The following WDR45B variants were observed in gnomAD, a reference collection of about 807,000 sequenced individuals.
WDR45B encodes the protein WD repeat domain phosphoinositide-interacting protein 3.
Under a neutral mutation model 44.6 loss-of-function variants are expected in WDR45B, and 20 were observed. That is an observed-to-expected ratio of 0.45 (90% CI 0.32 to 0.65). The LOEUF is 0.65. Ranked by LOEUF, WDR45B falls within the 30% of genes least tolerant of loss-of-function variation. WDR45B has a pLI of 0.05. For synonymous variants in WDR45B, 169 were observed against 164.9 expected (o/e 1.02, Z -0.19); for missense variants, 323 against 430.2 (o/e 0.75, Z 2.20).
intron 2 of WDR45B, among the ~76,000 whole-genome samples, chr17:82,643,325 C>T (rs1436813788): frequency 6.6e-6 from 1 of 151,856 alleles, no homozygotes; most frequent in Non-Finnish European, 1.5e-5. Context: ...CCCAGCTACT[C>T]GGGAGGCCGA....
At position 82,638,612 on chromosome 17, in the gene WDR45B, A is replaced by C. The variant is rs540447751; in HGVS notation, c.142+5337T>G. On this transcript the variant is annotated intron_variant, in intron 2 of 9. Transcript: ENST00000392325. The stretch of plus-strand genomic sequence containing the variant: ...AGATGCTTGAAAAATGAATCACTTT[A>C]TACAAATGAGTGAAAATCAACCATT... Among the ~76,000 whole-genome samples, 8 of 152,100 alleles carry C rather than the reference A, an allele frequency of 5.3e-5. No homozygotes were observed. The East Asian group carries it at 1.5e-3, about 29-fold the overall frequency.
At position 82,614,618 on chromosome 17, in the gene WDR45B, A is replaced by G. The variant is rs1334540765; in HGVS notation, c.*1301T>C. 1.3e-5 allele frequency: 2 copies of G among 152,704 alleles called. No homozygotes were observed. The highest frequency in any genetic ancestry group is 1.3e-4 in the Admixed American group (2 of 15,288). The allele number at this position is 152,704 out of a possible 1,614,324, so 9.5% of individuals were successfully genotyped here. A position where few individuals can be genotyped will look rare whatever the true frequency, so the allele number is the denominator to read the frequency against. On this transcript the variant is annotated 3_prime_UTR_variant, in exon 10 of 10. Coordinates refer to ENST00000392325, the MANE Select transcript of WDR45B (RefSeq NM_019613.4). ...CTTTTATTTAAAAGAAACATTACAA[A>G]TAAGTGTGCAAAATTAAACATCATG... is the stretch of plus-strand genomic sequence containing the variant.
chr17:82,639,580 C>T (rs935566760), intron 2 of WDR45B, among the ~76,000 whole-genome samples: 2 of 151,042 alleles, frequency 1.3e-5, no homozygotes, highest in Admixed American at 6.6e-5. Flanking sequence ...CTAGCACCTT[C>T]ACCTGGCACG....
chr17:82,630,433 A>C (rs924029162), intron 3 of WDR45B, among the ~76,000 whole-genome samples: 1 of 152,048 alleles, frequency 6.6e-6, no homozygotes, highest in African/African-American at 2.4e-5. Context: ...CAGGAAAGCT[A>C]TCTACTCCTC....
chr17:82,640,141 G>A (rs2045894801), intron 2 of WDR45B, among the ~76,000 whole-genome samples: 1 of 152,164 alleles, frequency 6.6e-6, no homozygotes, highest in Non-Finnish European at 1.5e-5. Context: ...TTCCTGCCAA[G>A]TGGCAGAAGG....
intron 2 of WDR45B, among the ~76,000 whole-genome samples, chr17:82,640,677 C>T (rs2045902659): frequency 6.6e-6 from 1 of 152,136 alleles, no homozygotes. Flanking sequence ...CGCAGAGCAG[C>T]AGATGAGTCT....
At position 82,625,471 on chromosome 17, in the gene WDR45B, AACC is replaced by A. The variant is rs1331631472; in HGVS notation, c.342_344del (p.Val115del). On this transcript the variant is annotated inframe_deletion, in exon 5 of 10. Transcript: ENST00000392325. ...TGAACACCTTAATCATGGAGTCCAA[AACC>A]ACCACAATTCTGGAAAGAAAAACAT... The A allele has an allele frequency of 6.2e-7, 1 of 1,614,214 alleles. No individual in the cohort carries two copies. The highest frequency in any genetic ancestry group is 2.2e-5 in the East Asian group (1 of 44,890).
chr17:82,637,588 T>G (rs1009933629), intron 2 of WDR45B, among the ~76,000 whole-genome samples: 2 of 152,062 alleles, frequency 1.3e-5, no homozygotes, highest in Non-Finnish European at 2.9e-5. Flanking sequence ...AACTTCTGAC[T>G]GACCAGCTTC....
intron 1 of WDR45B, chr17:82,644,682 G>T (rs1299779856): frequency 1.3e-5 from 2 of 155,236 alleles, no homozygotes; most frequent in Non-Finnish European, 2.9e-5. Flanking sequence ...GTTAATGCTC[G>T]TGTGTGACCC....
intron 1 of WDR45B, among the ~76,000 whole-genome samples, chr17:82,647,951 G>A (rs1267721269): frequency 1.4e-5 from 2 of 146,866 alleles, no homozygotes; most frequent in Non-Finnish European, 3.0e-5. Flanking sequence ...CGTCCGCGCA[G>A]GAGGCTGGGG....
At chr17:82,633,488 A>G (rs577245500) in intron 2 of WDR45B, among the ~76,000 whole-genome samples, 1 of 152,268 alleles carries the variant, frequency 6.6e-6, no homozygotes, top group Non-Finnish European at 1.5e-5. Context: ...CCAAACCACA[A>G]TGAGATCCCA....
At chr17:82,628,989 G>C (rs1416494159) in intron 3 of WDR45B, among the ~76,000 whole-genome samples, 3 of 152,266 alleles carry the variant, frequency 2.0e-5, no homozygotes, top group Non-Finnish European at 4.4e-5. Flanking sequence ...AACACAGTGA[G>C]ACCCTGTCTC....
intron 7 of WDR45B, 67 bp from the exon 8 acceptor site, chr17:82,617,464 A>T: frequency 4.0e-6 from 6 of 1,503,194 alleles, no homozygotes; most frequent in African/African-American, 1.4e-5. Flanking sequence ...CTTAACCCAC[A>T]GCACTTGTCG....
chr17:82,622,984 G>A (rs2045639277), intron 5 of WDR45B, among the ~76,000 whole-genome samples: 1 of 152,146 alleles, frequency 6.6e-6, no homozygotes. Flanking sequence ...GAAATGGATC[G>A]AAGATTTAAC....
At chr17:82,634,019 C>T (rs2045801404) in intron 2 of WDR45B, among the ~76,000 whole-genome samples, 1 of 151,396 alleles carries the variant, frequency 6.6e-6, no homozygotes, top group African/African-American at 2.4e-5. Flanking sequence ...GGCGTGGTGG[C>T]AGGTGCCTGT....
intron 7 of WDR45B, among the ~76,000 whole-genome samples, chr17:82,618,675 A>G (rs773287854): frequency 1.8e-4 from 28 of 152,122 alleles, no homozygotes; most frequent in African/African-American, 2.9e-4. Context: ...TCGAGGCTGT[A>G]GTGAGCTGTG....
chr17:82,618,949 G>A, intron 7 of WDR45B, 94 bp downstream of exon 7: 2 of 1,157,712 alleles, frequency 1.7e-6, no homozygotes, highest in Non-Finnish European at 2.6e-6. Context: ...TCGGGGGAGG[G>A]TGGCTGCTCC....
chr17:82,616,619 T>C lies in WDR45B; in HGVS notation c.833A>G (p.Lys278Arg), dbSNP rs1233456376. Reference sequence around the variant, plus strand: ...GAAACTCCACTTGGAACTGAAGTATTTTGGAAGGAAACTGGCTGAGGCCAA... The same window carrying C: ...GAAACTCCACTTGGAACTGAAGTATCTTGGAAGGAAACTGGCTGAGGCCAA... ...SSLASASFLPKYFSSKWSFSK... is the reference protein window; with the variant it reads ...SSLASASFLPRYFSSKWSFSK... The change falls in exon 9 of 10, where the codon AAA becomes AGA. Residue 278 changes from lysine to arginine, a missense_variant. Lys to Arg is a conservative substitution (Grantham distance 26). Transcript: ENST00000392325. The C allele has an allele frequency of 1.9e-6, 3 of 1,614,010 alleles. No homozygotes were observed. The highest frequency in any genetic ancestry group is 2.5e-6 in the Non-Finnish European group (3 of 1,180,026).
chr17:82,639,916 AGGT>A (rs1568015312), intron 2 of WDR45B, among the ~76,000 whole-genome samples: 1 of 11,752 alleles, frequency 8.5e-5, no homozygotes, highest in Admixed American at 9.7e-4. Flanking sequence ...GTGTCGGGTC[AGGT>A]GGGCTGCTGG....
Sources: allele counts gnomAD v4.1 joint callset (sites outside exome capture counted in the v4.1 genomes callset), GRCh38; gene constraint gnomAD v4.1.1; transcripts MANE v1.5; gene names NCBI Gene and HGNC (gene_info 2026-07-23, HGNC 2026-07-21).